Variants in CPNE4 observed in about 807,000 individuals in gnomAD.
The protein encoded by CPNE4 is copine 4.
Under a neutral mutation model 67.9 loss-of-function variants are expected in CPNE4, and 25 were observed. The observed-to-expected ratio is 0.37, with a 90% CI of 0.27 to 0.51. The LOEUF (loss-of-function observed/expected upper bound fraction) is 0.51, where lower values mean the gene tolerates loss of function less well. Among genes scored for constraint, CPNE4 ranks in the 20% least tolerant of loss-of-function variants. CPNE4 has a pLI of 0.93. For missense variants in CPNE4, 464 were observed against 690.8 expected (o/e 0.67, Z 3.68); for synonymous variants, 242 against 244.9 (o/e 0.99, Z 0.11).
At chr3:131,547,491 A>C (rs1473231894) in intron 14 of CPNE4, among the ~76,000 whole-genome samples, 4 of 121,512 alleles carry the variant, frequency 3.3e-5, no homozygotes, top group African/African-American at 3.5e-5. Flanking sequence ...AAAAAAAAAA[A>C]AAAAAAAAAA....
chr3:132,029,794 A>G (rs2074198565), intron 1 of CPNE4, among the ~76,000 whole-genome samples: 1 of 152,242 alleles, frequency 6.6e-6, no homozygotes, highest in African/African-American at 2.4e-5. Context: ...TAAAAGCAAC[A>G]TTTAAGAAAG....
intron 1 of CPNE4, among the ~76,000 whole-genome samples, chr3:131,955,089 G>GC (rs2071905730): frequency 1.3e-5 from 2 of 148,566 alleles, no homozygotes; most frequent in Admixed American, 1.3e-4. Context: ...TAAGTTCTGT[G>GC]TTTTTTTTTT....
At chr3:131,823,912 T>C (rs931709394) in intron 2 of CPNE4, among the ~76,000 whole-genome samples, 1 of 152,232 alleles carries the variant, frequency 6.6e-6, no homozygotes, top group Non-Finnish European at 1.5e-5. Context: ...CAATATTTCA[T>C]AATTCTTTGC....
chr3:131,642,906 T>C (rs917333989), intron 7 of CPNE4, among the ~76,000 whole-genome samples: 18 of 152,192 alleles, frequency 1.2e-4, no homozygotes, highest in Non-Finnish European at 2.4e-4. Flanking sequence ...TGGACTAATA[T>C]AGTAAATTGG....
In CPNE4 at chr3:131,534,516, C is replaced by G. The variant is rs1935032939; in HGVS notation, c.*679G>C. 1.3e-5 allele frequency: 2 copies of G among 152,176 alleles called. No homozygotes were observed. The highest frequency in any genetic ancestry group is 4.1e-4 in the South Asian group (2 of 4,826). 9.4% of individuals were successfully genotyped at this position (152,176 alleles called of 1,614,324 possible). On this transcript the variant is annotated 3_prime_UTR_variant, in exon 16 of 16. Coordinates refer to ENST00000429747, the MANE Select transcript of CPNE4 (RefSeq NM_130808.3). ...TGCAGAATCTTGGGTCCCACACAGA[C>G]CTATGTATCACAATCTGAATTTTAA... is the stretch of plus-strand genomic sequence containing the variant.
intron 10 of CPNE4, among the ~76,000 whole-genome samples, chr3:131,565,939 C>T (rs1201016863): frequency 6.6e-6 from 1 of 151,768 alleles, no homozygotes; most frequent in African/African-American, 2.4e-5. Flanking sequence ...AGGCACTGTG[C>T]TAACTGTGTG....
intron 7 of CPNE4, among the ~76,000 whole-genome samples, chr3:131,669,361 A>G (rs1188710559): frequency 6.6e-6 from 1 of 152,198 alleles, no homozygotes; most frequent in Admixed American, 6.5e-5. Context: ...ACAGTAGATA[A>G]TTGATATGAC....
chr3:131,910,505 G>A (rs1041488989), intron 1 of CPNE4, among the ~76,000 whole-genome samples: 1 of 152,190 alleles, frequency 6.6e-6, no homozygotes, highest in African/African-American at 2.4e-5. Context: ...GAAAAGTGCA[G>A]GAAGCAAAGA....
intron 1 of CPNE4, among the ~76,000 whole-genome samples, chr3:131,993,042 G>A (rs897115447): frequency 7.4e-6 from 1 of 135,920 alleles, no homozygotes; most frequent in African/African-American, 2.5e-5. Context: ...GCATGAGAAT[G>A]GACTAATACA....
intron 1 of CPNE4, among the ~76,000 whole-genome samples, chr3:131,974,855 A>C (rs1470953348): frequency 6.6e-6 from 1 of 152,054 alleles, no homozygotes; most frequent in Non-Finnish European, 1.5e-5. Flanking sequence ...AAACAGTACA[A>C]AAATTAGCCC....
chr3:131,537,325 C>A (rs1330178428), intron 15 of CPNE4, among the ~76,000 whole-genome samples: 1 of 148,028 alleles, frequency 6.8e-6, no homozygotes. Context: ...ACTCTGTCAC[C>A]CAGGCTGGAG....
At chr3:131,704,731 T>C (rs911878644) in intron 3 of CPNE4, among the ~76,000 whole-genome samples, 2 of 152,218 alleles carry the variant, frequency 1.3e-5, no homozygotes, top group Non-Finnish European at 2.9e-5. Flanking sequence ...TGTCATTTAA[T>C]GATCATTTCT....
At chr3:131,693,214 C>T (rs1365744398) in intron 5 of CPNE4, among the ~76,000 whole-genome samples, 1 of 152,122 alleles carries the variant, frequency 6.6e-6, no homozygotes, top group African/African-American at 2.4e-5. Context: ...TTCCCATATA[C>T]CCTATAACAG....
intron 2 of CPNE4, among the ~76,000 whole-genome samples, chr3:131,761,540 AC>A (rs1335504237): frequency 6.6e-6 from 1 of 152,116 alleles, no homozygotes; most frequent in African/African-American, 2.4e-5. Context: ...GTAGAAACCC[AC>A]AAAAAGTATG....
At chr3:131,809,233 A>C (rs1041640079) in intron 2 of CPNE4, among the ~76,000 whole-genome samples, 1 of 152,108 alleles carries the variant, frequency 6.6e-6, no homozygotes, top group Admixed American at 6.6e-5. Flanking sequence ...GTGATGTGAT[A>C]TGAGAACAAC....
At chr3:132,006,142 C>A (rs2073597898) in intron 1 of CPNE4, among the ~76,000 whole-genome samples, 1 of 152,092 alleles carries the variant, frequency 6.6e-6, no homozygotes, top group Non-Finnish European at 1.5e-5. Flanking sequence ...CCATTACTAA[C>A]ACAGAACTTG....
At chr3:131,666,481 T>C (rs534065483) in intron 7 of CPNE4, among the ~76,000 whole-genome samples, 2 of 152,212 alleles carry the variant, frequency 1.3e-5, no homozygotes, top group African/African-American at 4.8e-5. Context: ...CAAGAATTCA[T>C]TCCAGAAAGC....
At chr3:131,801,884 CA>C (rs766283450) in intron 2 of CPNE4, among the ~76,000 whole-genome samples, 17 of 44,434 alleles carry the variant, frequency 3.8e-4, no homozygotes, top group Admixed American at 1.3e-3. Context: ...AGCCAAATGC[CA>C]AAAAAAAAAA....
intron 7 of CPNE4, among the ~76,000 whole-genome samples, chr3:131,598,010 AAGG>A (rs1938993395): frequency 6.6e-6 from 1 of 152,180 alleles, no homozygotes; most frequent in African/African-American, 2.4e-5. Context: ...AGGGGAAGGG[AAGG>A]TATTGTAATA....
Sources: allele counts gnomAD v4.1 joint callset (sites outside exome capture counted in the v4.1 genomes callset), GRCh38; gene constraint gnomAD v4.1.1; transcripts MANE v1.5; gene names NCBI Gene and HGNC (gene_info 2026-07-23, HGNC 2026-07-21).